Variants in BHMT observed in about 807,000 individuals in gnomAD.
BHMT encodes betaine--homocysteine S-methyltransferase 1.
Under a neutral mutation model 49.5 loss-of-function variants are expected in BHMT, and 38 were observed. The observed-to-expected ratio is 0.77, with a 90% CI of 0.59 to 1.01. BHMT has a LOEUF of 1.01. Ranked by LOEUF, BHMT falls within the 50% of genes least tolerant of loss-of-function variation. BHMT has a pLI of 0.00. For missense variants in BHMT, 426 were observed against 495.7 expected (o/e 0.86, Z 1.34); for synonymous variants, 166 against 176.3 (o/e 0.94, Z 0.46).
chr5:79,121,326 G>A lies in BHMT; in HGVS notation c.586G>A (p.Val196Met), dbSNP rs755757711. Reference sequence around the variant, plus strand: ...TGGCCCAGAAGGAGATTTGCATGGCGTGCCCCCCGGCGAGTGTGCAGTGCG... The same window carrying A: ...TGGCCCAGAAGGAGATTTGCATGGCATGCCCCCCGGCGAGTGTGCAGTGCG... ...CIGPEGDLHGVPPGECAVRLV... is the reference protein window; with the variant it reads ...CIGPEGDLHGMPPGECAVRLV... The change falls in exon 5 of 8, where the codon GTG becomes ATG. Residue 196 changes from valine (V) to methionine (M), a missense_variant. This residue lies in a region of BHMT where 321 missense variants were observed against 355.9 expected (regional missense o/e 0.90). Transcript: ENST00000274353. 3.1e-6 allele frequency: 5 copies of A among 1,614,162 alleles called. No individual in the cohort carries two copies. The highest frequency in any genetic ancestry group is 3.4e-6 in the Non-Finnish European group (4 of 1,180,004).
At chr5:79,127,414 G>A (rs1756569423) in intron 6 of BHMT, among the ~76,000 whole-genome samples, 2 of 152,122 alleles carry the variant, frequency 1.3e-5, no homozygotes, top group Admixed American at 1.3e-4. Flanking sequence ...GAAAGTGCAA[G>A]GCAGAAACCA....
chr5:79,122,676 G>T (rs2112728425), intron 5 of BHMT, among the ~76,000 whole-genome samples: 1 of 151,498 alleles, frequency 6.6e-6, no homozygotes, highest in Non-Finnish European at 1.5e-5. Flanking sequence ...ATATATACTT[G>T]TGAGTATATG....
chr5:79,119,471 AGTTTT>A, intron 3 of BHMT, 94 bp downstream of exon 3: 4 of 944,890 alleles, frequency 4.2e-6, no homozygotes, highest in South Asian at 1.9e-5. Context: ...ACCTCTTCAG[AGTTTT>A]GTTTTATTTC....
At chr5:79,114,551 G>GA (rs1211379592) in intron 1 of BHMT, among the ~76,000 whole-genome samples, 5 of 152,146 alleles carry the variant, frequency 3.3e-5, no homozygotes, top group African/African-American at 9.7e-5. Flanking sequence ...TATTATGTCA[G>GA]CTTTTGTTTT....
chr5:79,125,949 T>C, intron 5 of BHMT, 97 bp from the exon 6 acceptor site: 1 of 1,307,460 alleles, frequency 7.6e-7, no homozygotes, highest in Admixed American at 2.3e-5. Context: ...TCTCAAAAAA[T>C]GAAAAAAGAA....
At chr5:79,126,689 C>T (rs531963611) in intron 6 of BHMT, among the ~76,000 whole-genome samples, 2 of 152,234 alleles carry the variant, frequency 1.3e-5, no homozygotes, top group East Asian at 1.9e-4. Context: ...TTTAATATGG[C>T]TCAGCTACTC....
chr5:79,130,096 C>A (rs1431420803), intron 7 of BHMT, among the ~76,000 whole-genome samples: 1 of 152,116 alleles, frequency 6.6e-6, no homozygotes, highest in Non-Finnish European at 1.5e-5. Context: ...ATCACTTGAA[C>A]CTGGGAGGCG....
intron 6 of BHMT, 136 bp from the exon 7 acceptor site, chr5:79,127,619 A>G: frequency 8.0e-7 from 1 of 1,256,106 alleles, no homozygotes; most frequent in Non-Finnish European, 1.1e-6. Context: ...ACAAAGTAGC[A>G]AAGTTTTTTC....
In BHMT at chr5:79,128,529, T is replaced by TA. The variant is rs67257787; in HGVS notation, c.1037+564dup. Reference sequence around the variant, plus strand: ...TGGGCAACAGAGTGAGACCCTGTTTTAAAAAAAAAAAAAAAAAAGAATATA... The same window carrying TA: ...TGGGCAACAGAGTGAGACCCTGTTTTAAAAAAAAAAAAAAAAAAAGAATATA... On this transcript the variant is annotated intron_variant, in intron 7 of 7. Coordinates refer to ENST00000274353, the MANE Select transcript of BHMT (RefSeq NM_001713.3). 1.7e-3 allele frequency among the ~76,000 whole-genome samples: 238 copies of TA among 140,136 alleles called. 1 individual carries two copies. Among genetic ancestry groups the TA allele is most frequent in the African/African-American group, 4.1e-3 (155 of 37,660 alleles). 91.9% of individuals were successfully genotyped at this position (140,136 alleles called of 152,430 possible).
intron 3 of BHMT, 22 bp from the exon 4 acceptor site, chr5:79,120,328 C>T (rs749230412): frequency 3.8e-6 from 6 of 1,587,896 alleles, no homozygotes; most frequent in East Asian, 2.2e-5. Flanking sequence ...ATTTAGATGT[C>T]TCATATACTC....
At chr5:79,123,808 T>C (rs1477598105) in intron 5 of BHMT, among the ~76,000 whole-genome samples, 2 of 152,134 alleles carry the variant, frequency 1.3e-5, no homozygotes, top group Non-Finnish European at 2.9e-5. Context: ...CGCCTCAGCC[T>C]CGCAAAGTGC....
In BHMT at chr5:79,126,132, G is replaced by A. The variant is rs1203550270; in HGVS notation, c.712G>A (p.Ala238Thr). The A allele has an allele frequency of 6.2e-7, 1 of 1,613,554 alleles. No individual in the cohort carries two copies. The highest frequency in any genetic ancestry group is 1.1e-5 in the South Asian group (1 of 91,050). The change falls in exon 6 of 8, where the codon GCC (alanine) becomes ACC (threonine). Residue 238 changes from alanine (A) to threonine (T), a missense_variant. Ala to Thr is a moderately conservative substitution (Grantham distance 58, BLOSUM62 0). Transcript: ENST00000274353. ...VKLMKEGLEAARLKAHLMSQP... is the reference protein window; with the variant it reads ...VKLMKEGLEATRLKAHLMSQP... ...GCTCATGAAGGAGGGCTTGGAGGCT[G>A]CCCGACTGAAAGCTCACCTGATGAG...
intron 6 of BHMT, among the ~76,000 whole-genome samples, chr5:79,126,508 G>T (rs766863846): frequency 6.6e-6 from 1 of 152,110 alleles, no homozygotes; most frequent in African/African-American, 2.4e-5. Context: ...TCATACTTTG[G>T]GGTTGGTGAG....
chr5:79,128,240 G>A (rs894078538), intron 7 of BHMT: 66 of 453,978 alleles, frequency 1.5e-4, no homozygotes, highest in African/African-American at 1.2e-3. Flanking sequence ...TTAAATATAG[G>A]CTGGGTGCGG....
chr5:79,122,124 A>C (rs1358067169), intron 5 of BHMT, among the ~76,000 whole-genome samples: 2 of 151,820 alleles, frequency 1.3e-5, no homozygotes, highest in African/African-American at 4.8e-5. Context: ...TGTATTTTTT[A>C]GTAGAGACGG....
At chr5:79,114,606 T>TC (rs1238467690) in intron 1 of BHMT, among the ~76,000 whole-genome samples, 1 of 152,200 alleles carries the variant, frequency 6.6e-6, no homozygotes, top group African/African-American at 2.4e-5. Context: ...GGTAAATACG[T>TC]CCCAAGTTAT....
At chr5:79,116,027 G>A in intron 2 of BHMT, 128 bp downstream of exon 2, 1 of 1,176,864 alleles carries the variant, frequency 8.5e-7, no homozygotes, top group Non-Finnish European at 1.1e-6. Flanking sequence ...AGACCAGCCT[G>A]GGCACATAGG....
chr5:79,129,882 G>A (rs1273913680), intron 7 of BHMT, among the ~76,000 whole-genome samples: 1 of 152,088 alleles, frequency 6.6e-6, no homozygotes, highest in African/African-American at 2.4e-5. Flanking sequence ...ATTCAAGGTG[G>A]GCATAGTGAC....
Position 79,121,237 on chromosome 5 carries a change from A to C in BHMT, c.497A>C (p.Glu166Ala). 6.2e-7 allele frequency: 1 copy of C among 1,614,178 alleles called. No homozygotes were observed. Among genetic ancestry groups the C allele is most frequent in the Non-Finnish European group, 8.5e-7 (1 of 1,179,992 alleles). Residue 166 changes from glutamate to alanine, a missense_variant, in exon 5 of 8, where the codon GAA (glutamate) becomes GCA (alanine). Glu to Ala is a moderately radical substitution (Grantham distance 107). This residue lies in a region of BHMT where 321 missense variants were observed against 355.9 expected (regional missense o/e 0.90). Coordinates refer to ENST00000274353, the MANE Select transcript of BHMT (RefSeq NM_001713.3). The part of the protein sequence containing the change: ...LIAEYFEHVE[E>A]AVWAVETLIA... ...TTCCAGTATTTTGAACACGTTGAAGAAGCTGTGTGGGCAGTTGAAACCTTG... is the reference window on the plus strand; with the variant it reads ...TTCCAGTATTTTGAACACGTTGAAGCAGCTGTGTGGGCAGTTGAAACCTTG...
Sources: allele counts gnomAD v4.1 joint callset (sites outside exome capture counted in the v4.1 genomes callset), GRCh38; gene constraint gnomAD v4.1.1; regional missense constraint gnomAD v4.1.1; transcripts MANE v1.5; gene names NCBI Gene and HGNC (gene_info 2026-07-23, HGNC 2026-07-21).